The following PRKAR1A variants were observed in gnomAD, a reference collection of about 807,000 sequenced individuals.
The protein encoded by PRKAR1A is cAMP-dependent protein kinase type I-alpha regulatory subunit.
In PRKAR1A, 3 loss-of-function variants were observed where a neutral mutation model predicts 52.0. That is an observed-to-expected ratio of 0.06 (90% CI 0.03 to 0.15). The LOEUF (loss-of-function observed/expected upper bound fraction) is 0.15. Ranked by LOEUF, PRKAR1A falls within the 10% of genes least tolerant of loss-of-function variation. The probability of loss-of-function intolerance (pLI) is 1.00; values close to 1 mark genes in which losing one functional copy is unlikely to be tolerated. For synonymous variants in PRKAR1A, 188 were observed against 168.4 expected (o/e 1.12, Z -0.90); for missense variants, 240 against 477.4 (o/e 0.50, Z 4.63).
the PRKAR1A span, among the ~76,000 whole-genome samples, chr17:68,469,994 C>T: frequency 5.3e-5 from 8 of 152,002 alleles, no homozygotes; most frequent in East Asian, 1.4e-3. Context: ...CTGTATTCAA[C>T]GTATCATATC....
the PRKAR1A span, among the ~76,000 whole-genome samples, chr17:68,446,592 G>A: frequency 6.6e-6 from 1 of 152,180 alleles, no homozygotes; most frequent in Non-Finnish European, 1.5e-5. Context: ...GTTCCTCTGT[G>A]AAATATTCTC....
Position 68,530,894 on chromosome 17 carries a change from ACT to A in PRKAR1A, c.*448_*449del, listed in dbSNP as rs2085956856. On this transcript the variant is annotated 3_prime_UTR_variant, in exon 11 of 11. Coordinates refer to ENST00000589228, the MANE Select transcript of PRKAR1A (RefSeq NM_002734.5). Reference sequence around the variant, plus strand: ...TGTAGAATAAATGGTTTCTCATTAAACTCTAAAGATTAGGGAAAATGGATATA... The same window carrying A: ...TGTAGAATAAATGGTTTCTCATTAAACTAAAGATTAGGGAAAATGGATATA... 4 of 1,126,258 alleles carry A rather than the reference ACT, an allele frequency of 3.6e-6. No individual in the cohort carries two copies. The highest frequency in any genetic ancestry group is 1.1e-6 in the Non-Finnish European group (1 of 914,722). The allele number at this position is 1,126,258 out of a possible 1,614,324, so 69.8% of individuals were successfully genotyped here. A position where few individuals can be genotyped will look rare whatever the true frequency, so the allele number is the denominator to read the frequency against.
the PRKAR1A span, among the ~76,000 whole-genome samples, chr17:68,437,574 G>A: frequency 6.6e-6 from 1 of 151,544 alleles, no homozygotes; most frequent in South Asian, 2.1e-4. Context: ...AAAAGAAACC[G>A]AGCAATTTCT....
chr17:68,546,214 C>G (rs531624299), intron 11 of PRKAR1A, among the ~76,000 whole-genome samples: 16 of 145,498 alleles, frequency 1.1e-4, no homozygotes, highest in Non-Finnish European at 1.0e-4. Flanking sequence ...TCTATCTGTT[C>G]AAGTTTGATC....
the PRKAR1A span, chr17:68,413,838 C>G: frequency 6.5e-6 from 1 of 152,992 alleles, no homozygotes; most frequent in Non-Finnish European, 1.5e-5. Flanking sequence ...TTAAGCCTGT[C>G]GGAAAAGCGC....
the PRKAR1A span, chr17:68,427,361 A>G: frequency 1.2e-6 from 1 of 834,502 alleles, no homozygotes; most frequent in Non-Finnish European, 1.9e-6. Context: ...TCTGTGGGTT[A>G]TTTATTTATT....
chr17:68,429,541 G>A, the PRKAR1A span, among the ~76,000 whole-genome samples: 13 of 152,182 alleles, frequency 8.5e-5, no homozygotes, highest in Admixed American at 3.3e-4. Flanking sequence ...ATTGAAGTCA[G>A]ATAGGAAAAG....
chr17:68,449,625 G>A, the PRKAR1A span, among the ~76,000 whole-genome samples: 6 of 152,154 alleles, frequency 3.9e-5, no homozygotes, highest in Middle Eastern at 3.2e-3. Flanking sequence ...CCCCCCACCC[G>A]TCTCTTGGTC....
At chr17:68,536,141 A>G (rs901510231), downstream of PRKAR1A, 7 of 453,924 alleles carry the variant, frequency 1.5e-5, no homozygotes, top group Admixed American at 7.1e-5. Flanking sequence ...CAGAAGTGTT[A>G]TTTGTCCAGT....
Position 68,529,064 on chromosome 17 carries a change from A to G in PRKAR1A, c.891+73A>G, listed in dbSNP as rs966286301. On this transcript the variant is annotated intron_variant, in intron 9 of 10. Coordinates refer to ENST00000589228, the MANE Select transcript of PRKAR1A (RefSeq NM_002734.5). Reference sequence around the variant, plus strand: ...AGAATTTAATACTTTAAAAAGTTGTACGCTCTAAGAGGGAAAGAGTGGGCT... The same window carrying G: ...AGAATTTAATACTTTAAAAAGTTGTGCGCTCTAAGAGGGAAAGAGTGGGCT... 12 of 1,578,878 alleles carry G rather than the reference A, an allele frequency of 7.6e-6. No homozygotes were observed. The African/African-American group carries it at 1.4e-4, about 18-fold the overall frequency.
chr17:68,426,247 AGC>A, the PRKAR1A span: 19 of 668,416 alleles, frequency 2.8e-5, 3 homozygotes, highest in South Asian at 7.0e-5. Context: ...GCGGGTGGGG[AGC>A]GGGGGCTCAA....
chr17:68,521,787 T>C (rs1378879441), intron 2 of PRKAR1A, among the ~76,000 whole-genome samples: 2 of 152,244 alleles, frequency 1.3e-5, no homozygotes, highest in Non-Finnish European at 2.9e-5. Flanking sequence ...GATTAATATA[T>C]GGGCACTTAC....
the PRKAR1A span, among the ~76,000 whole-genome samples, chr17:68,486,562 TTTCTTTC>T: frequency 2.8e-5 from 4 of 143,738 alleles, no homozygotes; most frequent in African/African-American, 7.9e-5. Context: ...TCTTTCTTTC[TTTCTTTC>T]TTCTTTCCTT....
intron 2 of PRKAR1A, among the ~76,000 whole-genome samples, chr17:68,517,096 T>C (rs1282259126): frequency 6.6e-6 from 1 of 152,258 alleles, no homozygotes; most frequent in Non-Finnish European, 1.5e-5. Flanking sequence ...AATAAATAAT[T>C]ATTAAAATGG....
the PRKAR1A span, among the ~76,000 whole-genome samples, chr17:68,435,092 A>T: frequency 6.6e-6 from 1 of 152,064 alleles, no homozygotes; most frequent in Non-Finnish European, 1.5e-5. Context: ...CTGTAATCTC[A>T]GCTACTCGGG....
At chr17:68,426,254 G>GGGGGGGGGCCCCCC in the PRKAR1A span, 1 of 816,916 alleles carries the variant, frequency 1.2e-6, no homozygotes, top group East Asian at 3.5e-5. Flanking sequence ...GGGAGCGGGG[G>GGGGGGGGGCCCCCC]CTCAAATAAA....
At chr17:68,505,066 G>A in the PRKAR1A span, among the ~76,000 whole-genome samples, 1 of 152,316 alleles carries the variant, frequency 6.6e-6, no homozygotes, top group African/African-American at 2.4e-5. Flanking sequence ...GGGAGGCCAA[G>A]GCAGGCCTTC....
rs2085974860 is a variant in PRKAR1A at position 68,531,514 on chromosome 17, C to G, written c.*1065C>G. On this transcript the variant is annotated 3_prime_UTR_variant, in exon 11 of 11. Transcript: ENST00000589228. The stretch of plus-strand genomic sequence containing the variant: ...TGTCGGGAATTTTCCCCGTGACATT[C>G]ACTGGGGCATGAGATTTTGGAAGAA... 2 of 1,066,362 alleles carry G rather than the reference C, an allele frequency of 1.9e-6. No homozygotes were observed. Among genetic ancestry groups the G allele is most frequent in the Non-Finnish European group, 1.1e-6 (1 of 879,634 alleles). 66.1% of individuals were successfully genotyped at this position (1,066,362 alleles called of 1,614,324 possible). A position where few individuals can be genotyped will look rare whatever the true frequency, so the allele number is the denominator to read the frequency against.
Position 68,548,951 on chromosome 17 carries a change from CT to C in PRKAR1A, c.974-2131del, listed in dbSNP as rs1204611697. 2.6e-5 allele frequency among the ~76,000 whole-genome samples: 4 copies of C among 151,844 alleles called. No homozygotes were observed. In the East Asian group the frequency reaches 5.9e-4, roughly 22 times the overall value. Reference sequence around the variant, plus strand: ...GTTTCACCGTGTTAGCCAGGATGGTCTTGATCTCCTGACCTCGTGATCTGCC... The same window carrying C: ...GTTTCACCGTGTTAGCCAGGATGGTCTGATCTCCTGACCTCGTGATCTGCC... On this transcript the variant is annotated intron_variant, in intron 11 of 11. Transcript: ENST00000585981.
Sources: allele counts gnomAD v4.1 joint callset (sites outside exome capture counted in the v4.1 genomes callset), GRCh38; gene constraint gnomAD v4.1.1; transcripts MANE v1.5; gene names NCBI Gene and HGNC (gene_info 2026-07-23, HGNC 2026-07-21).